Variants in PKIB observed in about 807,000 individuals in gnomAD.
PKIB encodes the protein PKI-beta.
In PKIB, 2 loss-of-function variants were observed where a neutral mutation model predicts 4.5. The observed-to-expected ratio is 0.44, with a 90% CI of 0.18 to 1.39. The LOEUF (loss-of-function observed/expected upper bound fraction) is 1.39, where lower values mean the gene tolerates loss of function less well. Among genes scored for constraint, PKIB ranks in the 40% most tolerant of loss-of-function variants. PKIB has a pLI of 0.27. For synonymous variants in PKIB, 38 were observed against 36.0 expected (o/e 1.06, Z -0.20); for missense variants, 94 against 92.6 (o/e 1.02, Z -0.06).
At chr6:122,481,793 T>C (rs879507690) in intron 2 of PKIB, 1 of 152,196 alleles carries the variant, frequency 6.6e-6, no homozygotes, top group Non-Finnish European at 1.5e-5. Context: ...GCAACTTTTC[T>C]GAAGTCAGAA....
intron 2 of PKIB, among the ~76,000 whole-genome samples, chr6:122,487,170 A>C (rs1775791328): frequency 6.6e-6 from 1 of 152,224 alleles, no homozygotes; most frequent in Non-Finnish European, 1.5e-5. Context: ...AAAAAAATAA[A>C]TAAATAGTTT....
chr6:122,520,918 CA>C (rs1776923269), intron 2 of PKIB, among the ~76,000 whole-genome samples: 1 of 152,152 alleles, frequency 6.6e-6, no homozygotes, highest in African/African-American at 2.4e-5. Flanking sequence ...ATTTTCCCTG[CA>C]AAAAGTTGTT....
intron 2 of PKIB, among the ~76,000 whole-genome samples, chr6:122,488,455 G>A (rs1184079390): frequency 2.0e-5 from 3 of 152,076 alleles, no homozygotes; most frequent in East Asian, 1.9e-4. Context: ...AGATCTTCCA[G>A]GGTCTCACTG....
At chr6:122,499,600 A>G (rs1776165338) in intron 2 of PKIB, among the ~76,000 whole-genome samples, 1 of 152,212 alleles carries the variant, frequency 6.6e-6, no homozygotes, top group South Asian at 2.1e-4. Context: ...CACAGCCAAC[A>G]TCATACTGAA....
At chr6:122,710,485 T>C (rs964484838) in intron 3 of PKIB, among the ~76,000 whole-genome samples, 2 of 152,144 alleles carry the variant, frequency 1.3e-5, no homozygotes, top group Non-Finnish European at 2.9e-5. Context: ...CCCTTTGAAA[T>C]CTAAGAATAC....
chr6:122,538,355 A>G (rs1323383771), intron 2 of PKIB, among the ~76,000 whole-genome samples: 1 of 152,070 alleles, frequency 6.6e-6, no homozygotes, highest in Admixed American at 6.6e-5. Context: ...TAATTTTTGT[A>G]TAAGGTGTAA....
In PKIB at chr6:122,713,168, T is replaced by C. The variant is rs375039023; in HGVS notation, c.-8-4619T>C. On this transcript the variant is annotated intron_variant, in intron 3 of 4. Transcript: ENST00000368452. ...TGTATATTTTCAATAGAGATAGAAG[T>C]GTGTCTCAGGCAACGTAAATTGCGT... 2.0e-5 allele frequency among the ~76,000 whole-genome samples: 3 copies of C among 152,126 alleles called. No homozygotes were observed. The South Asian group carries it at 6.2e-4, about 32-fold the overall frequency.
chr6:122,504,457 G>A (rs562707327), intron 2 of PKIB, among the ~76,000 whole-genome samples: 2 of 152,284 alleles, frequency 1.3e-5, no homozygotes, highest in South Asian at 4.1e-4. Context: ...TAGGTGATTA[G>A]TGTTCATCTG....
chr6:122,597,070 C>T (rs1463311766), intron 3 of PKIB, among the ~76,000 whole-genome samples: 1 of 152,096 alleles, frequency 6.6e-6, no homozygotes. Context: ...ACCACTGGAC[C>T]CCTAGAAATT....
At position 122,725,115 on chromosome 6, in the gene PKIB, A is replaced by ATT; in HGVS notation, c.170-5_170-4dup. 6.3e-7 allele frequency: 1 copy of ATT among 1,576,364 alleles called. No individual in the cohort carries two copies. On this transcript the variant is annotated splice_polypyrimidine_tract_variant and intron_variant, in intron 4 of 4. Transcript: ENST00000368452. ...CAATATATTCCACATATGAATGGAA[A>ATT]TTTTTTTTTCAGATGCAAAAGAGAA... is the stretch of plus-strand genomic sequence containing the variant.
chr6:122,704,187 CTA>C (rs1204106174), intron 3 of PKIB, among the ~76,000 whole-genome samples: 1 of 152,042 alleles, frequency 6.6e-6, no homozygotes, highest in African/African-American at 2.4e-5. Context: ...CTCCTTCTCT[CTA>C]TCTTTTTATT....
At chr6:122,660,720 T>C (rs1379117791) in intron 2 of PKIB, among the ~76,000 whole-genome samples, 2 of 152,178 alleles carry the variant, frequency 1.3e-5, no homozygotes, top group African/African-American at 4.8e-5. Flanking sequence ...TAAGCTAAAA[T>C]GATCATGTTT....
chr6:122,713,938 C>T (rs188558164), intron 3 of PKIB, among the ~76,000 whole-genome samples: 31 of 152,274 alleles, frequency 2.0e-4, no homozygotes, highest in African/African-American at 7.5e-4. Context: ...CTTTATTTCA[C>T]AGTGTGTCAG....
At chr6:122,676,691 G>T (rs1371784290) in intron 3 of PKIB, among the ~76,000 whole-genome samples, 1 of 152,150 alleles carries the variant, frequency 6.6e-6, no homozygotes, top group Non-Finnish European at 1.5e-5. Context: ...TAACATTTGT[G>T]TAGTAGCTAA....
chr6:122,530,304 T>G (rs1470994440), intron 2 of PKIB, among the ~76,000 whole-genome samples: 4 of 152,204 alleles, frequency 2.6e-5, no homozygotes, highest in Non-Finnish European at 5.9e-5. Flanking sequence ...GACTTGTCCA[T>G]ATTCTAATTT....
intron 2 of PKIB, chr6:122,484,169 GAA>G (rs930417054): frequency 8.6e-6 from 1 of 116,102 alleles, no homozygotes; most frequent in Non-Finnish European, 1.8e-5. Context: ...AGTAAATAAA[GAA>G]AAAAAAAGGA....
chr6:122,686,526 C>A (rs556106943), intron 3 of PKIB, among the ~76,000 whole-genome samples: 5 of 151,688 alleles, frequency 3.3e-5, no homozygotes, highest in African/African-American at 1.2e-4. Flanking sequence ...GAGAAAGGAT[C>A]TCACTCTTTC....
intron 1 of PKIB, among the ~76,000 whole-genome samples, chr6:122,620,128 G>C (rs1452671293): frequency 1.3e-5 from 2 of 152,038 alleles, no homozygotes; most frequent in African/African-American, 4.8e-5. Flanking sequence ...CCGCTCCTTT[G>C]AGCACTCTGG....
chr6:122,674,268 C>T (rs1207903342), intron 2 of PKIB, among the ~76,000 whole-genome samples: 1 of 152,124 alleles, frequency 6.6e-6, no homozygotes, highest in Non-Finnish European at 1.5e-5. Flanking sequence ...TTCTACCTGA[C>T]ACCTGTGTAA....
Sources: gnomAD v4.1 joint callset for allele counts (sites outside exome capture counted in the v4.1 genomes callset) on GRCh38, gnomAD v4.1.1 for gene constraint, MANE v1.5 for transcripts, NCBI Gene and HGNC (gene_info 2026-07-23, HGNC 2026-07-21) for gene names.